SANBR: variants seen among roughly 807,000 people sequenced by gnomAD.
SANBR encodes SANT and BTB domain regulator of CSR.
A neutral mutation model predicts 101.8 loss-of-function variants in SANBR; 77 were observed. The ratio of observed to expected loss-of-function variants is 0.76; its 90% CI spans 0.63 to 0.91. SANBR has a LOEUF of 0.91. SANBR is among the 40% of genes least tolerant of loss of function. The probability of loss-of-function intolerance (pLI) is 0.00; values close to 1 mark genes in which losing one functional copy is unlikely to be tolerated. For synonymous variants in SANBR, 279 were observed against 274.7 expected (o/e 1.02, Z -0.15); for missense variants, 875 against 853.0 (o/e 1.03, Z -0.32).
chr2:61,130,426 G>C (rs1204363076), intron 20 of SANBR, among the ~76,000 whole-genome samples: 1 of 152,062 alleles, frequency 6.6e-6, no homozygotes, highest in Non-Finnish European at 1.5e-5. Flanking sequence ...TACCTACAAA[G>C]AAAAGCCCAG....
intron 16 of SANBR, among the ~76,000 whole-genome samples, chr2:61,110,425 A>G (rs955633517): frequency 1.3e-5 from 2 of 152,122 alleles, no homozygotes; most frequent in African/African-American, 4.8e-5. Flanking sequence ...CATGCCTGTA[A>G]TCTCAGCACT....
At chr2:61,112,550 G>A (rs1020861448) in intron 16 of SANBR, among the ~76,000 whole-genome samples, 5 of 151,090 alleles carry the variant, frequency 3.3e-5, no homozygotes, top group Admixed American at 1.3e-4. Context: ...AGGCTGGAGT[G>A]TAGAGGTGCG....
intron 2 of SANBR, among the ~76,000 whole-genome samples, chr2:61,069,244 A>G (rs761457165): frequency 1.3e-5 from 2 of 152,188 alleles, no homozygotes; most frequent in Non-Finnish European, 2.9e-5. Context: ...AAATACTATT[A>G]TTTATGCAGC....
exon 21 of SANBR, chr2:61,134,243 A>G (rs765331810): frequency 7.7e-5 from 122 of 1,583,734 alleles, no homozygotes; most frequent in Non-Finnish European, 1.0e-4. Context: ...ACGAATTAAT[A>G]CATGAAAGGA....
chr2:61,088,157 A>G lies in SANBR; in HGVS notation c.891-2A>G. 1 of 1,588,078 alleles carries G rather than the reference A, an allele frequency of 6.3e-7. No homozygotes were observed. Among genetic ancestry groups the G allele is most frequent in the Non-Finnish European group, 8.6e-7 (1 of 1,167,248 alleles). The stretch of plus-strand genomic sequence containing the variant: ...AATATTTTGGTCATTTGTTGTTAAT[A>G]GCAAACTTTTTTGTAAGAAGATTGA... On this transcript the variant is annotated splice_acceptor_variant, in intron 8 of 21. Transcript: ENST00000402291. LOFTEE classifies it high-confidence loss of function.
chr2:61,107,309 C>A (rs1007753181), intron 14 of SANBR, among the ~76,000 whole-genome samples: 1 of 152,036 alleles, frequency 6.6e-6, no homozygotes, highest in Non-Finnish European at 1.5e-5. Context: ...ATAAAATTAT[C>A]CTTTTATTGT....
Position 61,088,443 on chromosome 2 carries a change from G to A in SANBR, c.1063G>A (p.Gly355Arg), listed in dbSNP as rs1278192617. 3.7e-6 allele frequency: 6 copies of A among 1,600,512 alleles called. No homozygotes were observed. Among genetic ancestry groups the A allele is most frequent in the East Asian group, 2.3e-5 (1 of 44,256 alleles). The change falls in exon 10 of 22, where the codon GGA becomes AGA. Residue 355 changes from glycine (G) to arginine (R), a missense_variant. By Grantham distance (125) the Gly-to-Arg change is moderately radical (BLOSUM62 -2). Coordinates refer to ENST00000402291, the MANE Select transcript of SANBR (RefSeq NM_001129993.3). Reference protein sequence around the residue: ...IPGKINVDRRGNIVYIHIRDK... With the variant: ...IPGKINVDRRRNIVYIHIRDK... Reference sequence around the variant, plus strand: ...TGGAAAAATCAATGTGGATCGACGTGGAAATATTGTCTATATTCACATAAG... The same window carrying A: ...TGGAAAAATCAATGTGGATCGACGTAGAAATATTGTCTATATTCACATAAG...
intron 5 of SANBR, 130 bp from the exon 6 acceptor site, chr2:61,076,790 C>T: frequency 3.1e-6 from 2 of 648,600 alleles, no homozygotes; most frequent in Non-Finnish European, 5.4e-6. Flanking sequence ...AATGTCAAGA[C>T]CCTATAAAAC....
chr2:61,103,072 A>T (rs150703648), intron 12 of SANBR, among the ~76,000 whole-genome samples: 4 of 152,070 alleles, frequency 2.6e-5, no homozygotes, highest in Admixed American at 1.3e-4. Context: ...AACACTATAC[A>T]TTAAAGCAAA....
chr2:61,072,979 A>G (rs1461240962), intron 4 of SANBR, among the ~76,000 whole-genome samples: 1 of 151,912 alleles, frequency 6.6e-6, no homozygotes, highest in Non-Finnish European at 1.5e-5. Flanking sequence ...CGTACATGCT[A>G]CTGTGCTGAG....
chr2:61,077,373 G>T (rs1252837712), intron 6 of SANBR, among the ~76,000 whole-genome samples: 1 of 152,192 alleles, frequency 6.6e-6, no homozygotes, highest in African/African-American at 2.4e-5. Context: ...AGTTCCCAAT[G>T]TATGGTGTAT....
chr2:61,093,988 T>C (rs1682906190), intron 11 of SANBR: 1 of 489,438 alleles, frequency 2.0e-6, no homozygotes, highest in Non-Finnish European at 2.7e-6. Context: ...CCCTAAAGTT[T>C]TCCTCTCCCC....
At chr2:61,095,491 T>G (rs565971142) in intron 11 of SANBR, among the ~76,000 whole-genome samples, 1 of 152,222 alleles carries the variant, frequency 6.6e-6, no homozygotes, top group South Asian at 2.1e-4. Flanking sequence ...TATTCTTTAA[T>G]GCATTTATGT....
rs573113809 is a variant in SANBR, at chr2:61,083,442, G to A, written c.890+128G>A. ...GAAAGGTTCTCACTCTGTTGTTCAG[G>A]CTGGAGTGCAGTGGTGCAATCTTGG... On this transcript the variant is annotated intron_variant, in intron 8 of 21. Transcript: ENST00000402291. 4.0e-5 allele frequency: 27 copies of A among 680,406 alleles called. No individual in the cohort carries two copies. The South Asian group carries it at 5.4e-4, about 14-fold the overall frequency. 42.1% of individuals were successfully genotyped at this position (680,406 alleles called of 1,614,324 possible). A position where few individuals can be genotyped will look rare whatever the true frequency, so the allele number is the denominator to read the frequency against.
chr2:61,108,365 C>G lies in SANBR; in HGVS notation c.1644+16C>G. Reference sequence around the variant, plus strand: ...TCTACAACTGGTAAGTGAGCAATTACAGTTAGCATTCATGGATCTCTTTCT... The same window carrying G: ...TCTACAACTGGTAAGTGAGCAATTAGAGTTAGCATTCATGGATCTCTTTCT... On this transcript the variant is annotated intron_variant, in intron 15 of 21. Transcript: ENST00000402291. 6.6e-7 allele frequency: 1 copy of G among 1,516,162 alleles called. No individual in the cohort carries two copies. Among genetic ancestry groups the G allele is most frequent in the Non-Finnish European group, 9.0e-7 (1 of 1,108,758 alleles). The allele number at this position is 1,516,162 out of a possible 1,614,324, so 93.9% of individuals were successfully genotyped here.
intron 12 of SANBR, among the ~76,000 whole-genome samples, chr2:61,102,176 A>AC (rs1683319121): frequency 6.6e-6 from 1 of 151,598 alleles, no homozygotes; most frequent in Non-Finnish European, 1.5e-5. Context: ...GATCGAGACC[A>AC]CCCTGACTGA....
At chr2:61,118,262 A>G in intron 20 of SANBR, 146 bp downstream of exon 20, 2 of 657,014 alleles carry the variant, frequency 3.0e-6, no homozygotes, top group South Asian at 2.2e-5. Context: ...TTTCTTTGAG[A>G]TGGAGTTTTG....
chr2:61,131,156 A>G (rs1684678799), intron 20 of SANBR, among the ~76,000 whole-genome samples: 1 of 152,106 alleles, frequency 6.6e-6, no homozygotes, highest in Admixed American at 6.6e-5. Flanking sequence ...AGACAAGCCC[A>G]TTCTCAACAT....
chr2:61,103,274 A>T (rs571295618), intron 12 of SANBR, among the ~76,000 whole-genome samples: 2 of 151,502 alleles, frequency 1.3e-5, no homozygotes, highest in East Asian at 3.9e-4. Context: ...GGTAGCTGGG[A>T]CTGGAGGCAT....
Sources: allele counts gnomAD v4.1 joint callset (sites outside exome capture counted in the v4.1 genomes callset), GRCh38; gene constraint gnomAD v4.1.1; transcripts MANE v1.5; gene names NCBI Gene and HGNC (gene_info 2026-07-23, HGNC 2026-07-21).